YY1: variants seen among roughly 807,000 people sequenced by gnomAD.
The protein encoded by YY1 is transcriptional repressor protein YY1.
In YY1, 2 loss-of-function variants were observed where a neutral mutation model predicts 35.6. The observed-to-expected ratio is 0.06, with a 90% CI of 0.02 to 0.18. YY1 has a LOEUF of 0.18. Ranked by LOEUF, YY1 falls within the 10% of genes least tolerant of loss-of-function variation. The pLI, the probability that YY1 is intolerant of heterozygous loss-of-function variation, is 1.00. For synonymous variants in YY1, 268 were observed against 238.9 expected (o/e 1.12, Z -1.12); for missense variants, 322 against 573.4 (o/e 0.56, Z 4.48).
At chr14:100,260,539 C>T in intron 1 of YY1, among the ~76,000 whole-genome samples, 1 of 149,732 alleles carries the variant, frequency 6.7e-6, no homozygotes, top group African/African-American at 2.5e-5. Context: ...GTGGCACAAT[C>T]TCTGCTCACT....
At chr14:100,242,207 C>T (rs74658463) in intron 1 of YY1, among the ~76,000 whole-genome samples, 1 of 152,140 alleles carries the variant, frequency 6.6e-6, no homozygotes, top group East Asian at 1.9e-4. Flanking sequence ...AATTGCTGGT[C>T]CACTTTTCCA....
At chr14:100,249,835 G>A (rs371022788) in intron 1 of YY1, among the ~76,000 whole-genome samples, 2 of 149,862 alleles carry the variant, frequency 1.3e-5, no homozygotes, top group Admixed American at 1.3e-4. Context: ...GTGCAGTGGC[G>A]TGATCTCAGC....
intron 2 of YY1, among the ~76,000 whole-genome samples, chr14:100,269,991 G>A (rs756051232): frequency 2.0e-5 from 3 of 151,972 alleles, no homozygotes; most frequent in Admixed American, 6.6e-5. Flanking sequence ...GGCCAGGCGC[G>A]GTGGCTCATG....
intron 1 of YY1, among the ~76,000 whole-genome samples, chr14:100,248,502 A>T (rs146641440): frequency 9.2e-5 from 14 of 151,804 alleles, no homozygotes; most frequent in South Asian, 8.3e-4. Context: ...AGAAAAAAAA[A>T]TTTTTTTGAG....
At chr14:100,267,543 TA>T (rs1290039377) in intron 2 of YY1, among the ~76,000 whole-genome samples, 1 of 136,298 alleles carries the variant, frequency 7.3e-6, no homozygotes, top group African/African-American at 2.8e-5. Context: ...TTTTTTTTTT[TA>T]AATGGAGTCT....
At chr14:100,247,383 C>CTTTTTTTT (rs78485580) in intron 1 of YY1, among the ~76,000 whole-genome samples, 8 of 135,340 alleles carry the variant, frequency 5.9e-5, no homozygotes, top group African/African-American at 8.1e-5. Context: ...TTCTTTTTTT[C>CTTTTTTTT]TTTTTTTTTT....
rs996921204 is a variant in YY1, at chr14:100,244,108, CAAA to C, written c.679+4199_679+4201del. ...GGGCGACAGAGCAAGACTCCGTCTC[CAAA>C]AAAAAAAAAAAAATTAGTGGGAGTC... On this transcript the variant is annotated intron_variant, in intron 1 of 4. Coordinates refer to ENST00000262238, the MANE Select transcript of YY1 (RefSeq NM_003403.5). 9.8e-4 allele frequency among the ~76,000 whole-genome samples: 109 copies of C among 111,022 alleles called. 1 individual carries two copies. Among genetic ancestry groups the C allele is most frequent in the South Asian group, 2.0e-3 (7 of 3,508 alleles). 72.8% of individuals were successfully genotyped at this position (111,022 alleles called of 152,430 possible). A position where few individuals can be genotyped will look rare whatever the true frequency, so the allele number is the denominator to read the frequency against.
intron 1 of YY1, among the ~76,000 whole-genome samples, chr14:100,243,983 C>CTA (rs1890790297): frequency 6.6e-6 from 1 of 151,822 alleles, no homozygotes; most frequent in South Asian, 2.1e-4. Flanking sequence ...TGGCGGGTGC[C>CTA]TGTAGTGCCA....
In YY1 at chr14:100,276,766, T is replaced by A. The variant is rs527880769; in HGVS notation, c.1062+118T>A. ...CAGAGACTCAGGGTCTTATTACTCC[T>A]TGGTGAGAAACAAAACTTCTCCTGG... is the stretch of plus-strand genomic sequence containing the variant. On this transcript the variant is annotated intron_variant, in intron 4 of 4. Transcript: ENST00000262238. The surrounding 1 kb of genome is among the most constrained non-coding windows in gnomAD (Gnocchi z 4.1). 5.3e-6 allele frequency: 8 copies of A among 1,501,246 alleles called. No individual in the cohort carries two copies. Among genetic ancestry groups the A allele is most frequent in the Non-Finnish European group, 7.3e-6 (8 of 1,096,670 alleles). The allele number at this position is 1,501,246 out of a possible 1,614,324, so 93.0% of individuals were successfully genotyped here.
chr14:100,262,597 A>G, intron 2 of YY1, 131 bp downstream of exon 2: 1 of 1,027,006 alleles, frequency 9.7e-7, no homozygotes, highest in Non-Finnish European at 1.5e-6. Context: ...AAACAAAAGC[A>G]GTCAGTTTTA....
chr14:100,255,824 T>C (rs1890997528), intron 1 of YY1, among the ~76,000 whole-genome samples: 1 of 152,214 alleles, frequency 6.6e-6, no homozygotes, highest in Non-Finnish European at 1.5e-5. Context: ...GAGCTAGTTG[T>C]CTCCCTACTT....
intron 1 of YY1, among the ~76,000 whole-genome samples, chr14:100,254,983 G>C (rs1422821075): frequency 4.2e-5 from 2 of 47,968 alleles, no homozygotes; most frequent in African/African-American, 8.5e-5. Flanking sequence ...ATTTTTAGTA[G>C]TGACGGGATT....
rs1038493363 is a variant in YY1, at chr14:100,281,249, T to C, written c.*3649T>C. 1 of 152,012 alleles carries C rather than the reference T, an allele frequency of 6.6e-6. No homozygotes were observed. Among genetic ancestry groups the C allele is most frequent in the African/African-American group, 2.4e-5 (1 of 41,354 alleles). 9.4% of individuals were successfully genotyped at this position (152,012 alleles called of 1,614,324 possible). On this transcript the variant is annotated 3_prime_UTR_variant, in exon 5 of 5. Coordinates refer to ENST00000262238, the MANE Select transcript of YY1 (RefSeq NM_003403.5). ...TTTAATTATTCTTTAATAATCCTTC[T>C]ATTTTCTTGACATCTGACCCCCAGC... is the stretch of plus-strand genomic sequence containing the variant.
chr14:100,257,298 A>G (rs768979560), intron 1 of YY1, among the ~76,000 whole-genome samples: 2 of 152,170 alleles, frequency 1.3e-5, no homozygotes, highest in East Asian at 3.8e-4. Flanking sequence ...TTTTATTCCC[A>G]GTGCCCAGAA....
rs1891434674 is a variant in YY1, at chr14:100,281,670, A to C, written c.*4070A>C. ...GACAAAAGGTACCCCACGCCTTCAG[A>C]ATCATGCTTACCTGCACGGCAGCAT... On this transcript the variant is annotated 3_prime_UTR_variant, in exon 5 of 5. Transcript: ENST00000262238. The C allele has an allele frequency of 6.6e-6, 1 of 152,248 alleles. No homozygotes were observed. The highest frequency in any genetic ancestry group is 2.1e-4 in the South Asian group (1 of 4,836). The allele number at this position is 152,248 out of a possible 1,614,324, so 9.4% of individuals were successfully genotyped here.
chr14:100,239,671 G>T lies in YY1; in HGVS notation c.427G>T (p.Asp143Tyr). 1 of 1,608,806 alleles carries T rather than the reference G, an allele frequency of 6.2e-7. No homozygotes were observed. Reference protein sequence around the residue: ...IPVPAPAGGDDDYIEQTLVTV... With the variant: ...IPVPAPAGGDYDYIEQTLVTV... ...GGTGCCCGCGCCGGCCGGCGGCGAC[G>T]ACGACTACATTGAACAAACGCTGGT... The change falls in exon 1 of 5, where the codon GAC (aspartate) becomes TAC (tyrosine). Residue 143 changes from aspartate (D) to tyrosine (Y), a missense_variant. By Grantham distance (160) the Asp-to-Tyr change is radical (BLOSUM62 -3). Around this residue, in one of 4 missense-constraint regions of YY1, gnomAD observed 152 missense variants for 167.1 expected, o/e 0.91. Transcript: ENST00000262238.
rs1358974205 is a variant in YY1 at position 100,239,933 on chromosome 14, G to T, written c.679+10G>T. ...ACCATGTGGTCCTCAGGTGAGCGCC[G>T]GCCGCGCGCCCCGGCCCCGGGATGT... On this transcript the variant is annotated intron_variant, in intron 1 of 4. Coordinates refer to ENST00000262238, the MANE Select transcript of YY1 (RefSeq NM_003403.5). 5.9e-6 allele frequency: 9 copies of T among 1,517,754 alleles called. No homozygotes were observed. The highest frequency in any genetic ancestry group is 7.9e-6 in the Non-Finnish European group (9 of 1,135,368). The allele number at this position is 1,517,754 out of a possible 1,614,324, so 94.0% of individuals were successfully genotyped here.
At chr14:100,271,785 T>G (rs1232016520) in intron 2 of YY1, among the ~76,000 whole-genome samples, 1 of 152,168 alleles carries the variant, frequency 6.6e-6, no homozygotes, top group Admixed American at 6.5e-5. Flanking sequence ...GCTGGGACTG[T>G]AGGCATGTGC....
In YY1 at chr14:100,277,774, C is replaced by A. The variant is rs1397503987; in HGVS notation, c.*174C>A. ...TAAAAATTAAAAAAAAAAAACTTTA[C>A]TAAGATGACATTGCTAAGATGCTCT... On this transcript the variant is annotated 3_prime_UTR_variant, in exon 5 of 5. Transcript: ENST00000262238. This position sits in a 1 kb window ranked among gnomAD's most constrained non-coding sequence, Gnocchi z 5.6. 1.4e-6 allele frequency: 1 copy of A among 714,788 alleles called. No homozygotes were observed. Among genetic ancestry groups the A allele is most frequent in the Admixed American group, 2.9e-5 (1 of 33,970 alleles). The allele number at this position is 714,788 out of a possible 1,614,324, so 44.3% of individuals were successfully genotyped here.
Sources: gnomAD v4.1 joint callset for allele counts (sites outside exome capture counted in the v4.1 genomes callset) on GRCh38, gnomAD v4.1.1 for gene constraint, gnomAD v4.1.1 regional missense constraint, Gnocchi (gnomAD v3.1) non-coding constraint, MANE v1.5 for transcripts, NCBI Gene and HGNC (gene_info 2026-07-23, HGNC 2026-07-21) for gene names.